Variants in ATRNL1 observed in about 807,000 individuals in gnomAD.
The protein encoded by ATRNL1 is attractin like 1, also known as attractin-like protein 1.
A neutral mutation model predicts 182.7 loss-of-function variants in ATRNL1; 95 were observed. That is an observed-to-expected ratio of 0.52 (90% confidence interval 0.44 to 0.62). ATRNL1 has a LOEUF of 0.62. Ranked by LOEUF, ATRNL1 falls within the 20% of genes least tolerant of loss-of-function variation. ATRNL1 has a pLI of 0.00. For synonymous variants in ATRNL1, 576 were observed against 568.3 expected (o/e 1.01, Z -0.19); for missense variants, 1,471 against 1,679.5 (o/e 0.88, Z 2.17).
At chr10:115,423,808 G>A (rs1321664967) in intron 20 of ATRNL1, among the ~76,000 whole-genome samples, 7 of 152,132 alleles carry the variant, frequency 4.6e-5, no homozygotes, top group African/African-American at 9.7e-5. Context: ...TCCTCAAAAT[G>A]TGAGACTACT....
intron 28 of ATRNL1, among the ~76,000 whole-genome samples, chr10:115,887,098 C>T (rs1441869827): frequency 6.6e-6 from 1 of 152,094 alleles, no homozygotes; most frequent in African/African-American, 2.4e-5. Flanking sequence ...CATCATGGAC[C>T]CCACACCAGA....
intron 28 of ATRNL1, among the ~76,000 whole-genome samples, chr10:115,856,031 A>G (rs1555101861): frequency 6.6e-6 from 1 of 152,178 alleles, no homozygotes; most frequent in Non-Finnish European, 1.5e-5. Flanking sequence ...ATTACTTTGA[A>G]TCTTATGGAA....
intron 7 of ATRNL1, among the ~76,000 whole-genome samples, chr10:115,168,211 G>A (rs782431236): frequency 7.9e-5 from 12 of 151,994 alleles, no homozygotes; most frequent in South Asian, 2.1e-4. Context: ...GAAATATACC[G>A]TGTTGTTTAT....
chr10:115,354,112 A>G (rs1554942179), intron 19 of ATRNL1, among the ~76,000 whole-genome samples: 1 of 152,202 alleles, frequency 6.6e-6, no homozygotes, highest in Admixed American at 6.5e-5. Flanking sequence ...AACACAAATC[A>G]GTAAACTTTC....
At chr10:115,729,850 A>G (rs191604795) in intron 27 of ATRNL1, among the ~76,000 whole-genome samples, 3 of 152,116 alleles carry the variant, frequency 2.0e-5, no homozygotes, top group Admixed American at 2.0e-4. Context: ...ATTATGGCCT[A>G]TGTAAAGAAC....
At chr10:115,487,540 T>A (rs1364562379) in intron 24 of ATRNL1, among the ~76,000 whole-genome samples, 1 of 152,174 alleles carries the variant, frequency 6.6e-6, no homozygotes, top group East Asian at 1.9e-4. Context: ...TGACTGTTAT[T>A]GGTGTATAGG....
intron 26 of ATRNL1, among the ~76,000 whole-genome samples, chr10:115,661,501 GATA>G (rs1319331253): frequency 6.6e-6 from 1 of 152,126 alleles, no homozygotes; most frequent in Non-Finnish European, 1.5e-5. Context: ...TATGATATGT[GATA>G]ATAACTCCCT....
chr10:115,571,693 T>G (rs1183076256), intron 26 of ATRNL1, among the ~76,000 whole-genome samples: 2 of 152,192 alleles, frequency 1.3e-5, no homozygotes, highest in South Asian at 2.1e-4. Flanking sequence ...GCTTGGTATA[T>G]TTATTGTTAG....
chr10:115,358,606 G>A (rs7908904), intron 19 of ATRNL1, among the ~76,000 whole-genome samples: 1,964 of 151,628 alleles, frequency 0.013, 37 homozygotes, highest in African/African-American at 0.044. Context: ...ATTTAATAAA[G>A]ATTTTAGTAT....
At chr10:115,727,416 C>A in intron 27 of ATRNL1, 61 bp downstream of exon 27, 1 of 1,260,108 alleles carries the variant, frequency 7.9e-7, no homozygotes, top group Non-Finnish European at 1.1e-6. Context: ...TATTGCTTCT[C>A]TAATCTACAT....
At chr10:115,847,070 G>T (rs1950946046) in intron 27 of ATRNL1, among the ~76,000 whole-genome samples, 2 of 151,914 alleles carry the variant, frequency 1.3e-5, no homozygotes, top group South Asian at 4.2e-4. Flanking sequence ...CTATACAAGT[G>T]CATTGATGGG....
rs1953892119 is a variant in ATRNL1 at position 115,947,119 on chromosome 10, ATC to A, written c.*2341_*2342del. ...TAATTATGCAATTAATTCTCAACGT[ATC>A]AAAGCTTTTCACTGGCAGTAAATTC... On this transcript the variant is annotated 3_prime_UTR_variant, in exon 29 of 29. Transcript: ENST00000355044. 1 of 152,660 alleles carries A rather than the reference ATC, an allele frequency of 6.6e-6. No homozygotes were observed. The highest frequency in any genetic ancestry group is 1.5e-5 in the Non-Finnish European group (1 of 68,040). The allele number at this position is 152,660 out of a possible 1,614,324, so 9.5% of individuals were successfully genotyped here. A position where few individuals can be genotyped will look rare whatever the true frequency, so the allele number is the denominator to read the frequency against.
chr10:115,514,490 T>G (rs1850544768), intron 24 of ATRNL1, among the ~76,000 whole-genome samples: 2 of 151,730 alleles, frequency 1.3e-5, no homozygotes, highest in Non-Finnish European at 1.5e-5. Context: ...AAAAAATATA[T>G]AGAGATGTTT....
intron 21 of ATRNL1, among the ~76,000 whole-genome samples, chr10:115,429,797 G>A (rs920638959): frequency 2.4e-4 from 36 of 152,252 alleles, no homozygotes; most frequent in African/African-American, 8.4e-4. Flanking sequence ...GCCGGGCGCT[G>A]TGGCTCACAC....
intron 5 of ATRNL1, among the ~76,000 whole-genome samples, chr10:115,130,687 C>T (rs143252545): frequency 1.3e-5 from 2 of 152,120 alleles, no homozygotes; most frequent in African/African-American, 4.8e-5. Context: ...GACTTTTCTT[C>T]CCCCCAAAAG....
intron 19 of ATRNL1, among the ~76,000 whole-genome samples, chr10:115,385,483 A>G (rs148111956): frequency 3.3e-5 from 5 of 152,208 alleles, no homozygotes; most frequent in African/African-American, 1.2e-4. Context: ...AGATATATGG[A>G]TTGCGAATAT....
At chr10:115,499,220 G>A (rs1293028292) in intron 24 of ATRNL1, among the ~76,000 whole-genome samples, 4 of 152,038 alleles carry the variant, frequency 2.6e-5, no homozygotes, top group Admixed American at 6.6e-5. Flanking sequence ...GACAAAAATA[G>A]GTTTTAACTT....
At chr10:115,157,241 A>G (rs1564784185) in intron 5 of ATRNL1, among the ~76,000 whole-genome samples, 1 of 152,084 alleles carries the variant, frequency 6.6e-6, no homozygotes, top group Non-Finnish European at 1.5e-5. Flanking sequence ...AAAAAATTTT[A>G]AAAAGTGGAC....
At chr10:115,627,522 G>A (rs111775340) in intron 26 of ATRNL1, among the ~76,000 whole-genome samples, 2,958 of 151,932 alleles carry the variant, frequency 0.019, 65 homozygotes, top group East Asian at 0.12. Context: ...ACACAACCGC[G>A]CCTGGCTAAT....
Sources: allele counts gnomAD v4.1 joint callset (sites outside exome capture counted in the v4.1 genomes callset), GRCh38; gene constraint gnomAD v4.1.1; transcripts MANE v1.5; gene names NCBI Gene and HGNC (gene_info 2026-07-23, HGNC 2026-07-21).